Variants in CTU2 observed in about 807,000 individuals in gnomAD.
The protein encoded by CTU2 is cytosolic thiouridylase subunit 2.
A neutral mutation model predicts 64.1 loss-of-function variants in CTU2; 80 were observed. That is an observed-to-expected ratio of 1.25 (90% confidence interval 1.04 to 1.50). The LOEUF is 1.50. CTU2 is among the 40% of genes most tolerant of loss of function. The pLI is 0.00. For synonymous variants in CTU2, 482 were observed against 285.3 expected, an observed-to-expected ratio of 1.69 and a Z score of -6.95; for missense variants, 1,110 against 690.2, an observed-to-expected ratio of 1.61 and a Z score of -6.81.
At position 88,714,407 on chromosome 16, in the gene CTU2, C is replaced by T. The variant is rs573239956; in HGVS notation, c.1122C>T (p.Gly374=). ...VYRTSEKLVK[G]PRDGPAAGDS... is the part of the protein sequence containing the mutation. Reference sequence around the variant, plus strand: ...GGACAAGTGAGAAGCTGGTGAAGGGCCCCCGGGATGGCCCTGCTGCTGGCG... The same window carrying T: ...GGACAAGTGAGAAGCTGGTGAAGGGTCCCCGGGATGGCCCTGCTGCTGGCG... The change falls in exon 11 of 15, where the codon GGC becomes GGT. Residue 374 remains glycine (G), a synonymous_variant. Coordinates refer to ENST00000453996, the MANE Select transcript of CTU2 (RefSeq NM_001012759.3). The T allele has an allele frequency of 1.9e-6, 3 of 1,612,316 alleles. No individual in the cohort carries two copies. The highest frequency in any genetic ancestry group is 2.5e-6 in the Non-Finnish European group (3 of 1,179,808).
intron 3 of CTU2, 96 bp from the exon 4 acceptor site, chr16:88,710,127 C>G (rs990482201): frequency 2.5e-6 from 4 of 1,583,348 alleles, no homozygotes; most frequent in Admixed American, 1.7e-5. Context: ...CCTCCTTGGC[C>G]TTTGAGGACA....
At chr16:88,710,392 C>A in intron 4 of CTU2, 110 bp downstream of exon 4, 1 of 1,143,490 alleles carries the variant, frequency 8.7e-7, no homozygotes, top group Non-Finnish European at 1.3e-6. Flanking sequence ...GAGCAGTCCA[C>A]CCTGCGGCCT....
chr16:88,707,060 T>G, intron 1 of CTU2, 76 bp from the exon 2 acceptor site: 1 of 1,440,934 alleles, frequency 6.9e-7, no homozygotes, highest in Non-Finnish European at 9.8e-7. Flanking sequence ...AAACAGGAGC[T>G]GTCTCCCCAA....
chr16:88,715,153 G>A (rs1276174613), intron 14 of CTU2, 29 bp from the exon 15 acceptor site: 5 of 1,610,360 alleles, frequency 3.1e-6, no homozygotes, highest in South Asian at 2.2e-5. Context: ...GGGCCTCGGG[G>A]CTGGTGCCCA....
At position 88,713,383 on chromosome 16, in the gene CTU2, G is replaced by A. The variant is rs780186030; in HGVS notation, c.809G>A (p.Arg270His). The change falls in exon 8 of 15, where the codon CGC (arginine) becomes CAC (histidine). Residue 270 changes from arginine to histidine, a missense_variant. By Grantham distance (29) the Arg-to-His change is conservative. Coordinates refer to ENST00000453996, the MANE Select transcript of CTU2 (RefSeq NM_001012759.3). ...GTCATGACTGGGGACAGCTGCACAC[G>A]CTTGGCTATCAAGCTCATGACCAAC... The part of the protein sequence containing the change: ...SKVMTGDSCT[R>H]LAIKLMTNLA... 5.6e-6 allele frequency: 9 copies of A among 1,603,638 alleles called. No homozygotes were observed. The highest frequency in any genetic ancestry group is 4.6e-5 in the East Asian group (2 of 43,952).
intron 2 of CTU2, among the ~76,000 whole-genome samples, chr16:88,708,021 C>T (rs1236817535): frequency 7.2e-5 from 11 of 152,140 alleles, no homozygotes; most frequent in Non-Finnish European, 1.5e-4. Context: ...ACCATGTTGG[C>T]CAGGCTGGTT....
intron 13 of CTU2, 49 bp downstream of exon 13, chr16:88,714,975 G>T (rs767876863): frequency 1.9e-6 from 3 of 1,588,178 alleles, no homozygotes; most frequent in Non-Finnish European, 2.6e-6. Context: ...ACGCGGGAAG[G>T]CCGTCACCTC....
chr16:88,714,579 G>C lies in CTU2; in HGVS notation c.1202-8G>C, dbSNP rs376937218. The C allele has an allele frequency of 6.2e-7, 1 of 1,612,496 alleles. No homozygotes were observed. Among genetic ancestry groups the C allele is most frequent in the South Asian group, 1.1e-5 (1 of 91,092 alleles). On this transcript the variant is annotated splice_region_variant and splice_polypyrimidine_tract_variant and intron_variant, in intron 11 of 14. Coordinates refer to ENST00000453996, the MANE Select transcript of CTU2 (RefSeq NM_001012759.3). ...CCCCAGGCTCCGTCACCCCCTCTCT[G>C]CTTGCAGACAGTGCCACGGCTTTTG...
At chr16:88,713,949 G>T (rs897505660) in intron 9 of CTU2, among the ~76,000 whole-genome samples, 171 bp downstream of exon 9, 6 of 152,236 alleles carry the variant, frequency 3.9e-5, no homozygotes, top group Non-Finnish European at 7.3e-5. Flanking sequence ...GGGTGTGGGG[G>T]TGACAGGAGG....
At position 88,712,413 on chromosome 16, in the gene CTU2, C is replaced by T. The variant is rs764024850; in HGVS notation, c.453+30C>T. 1.3e-4 allele frequency: 205 copies of T among 1,549,318 alleles called. 1 individual carries two copies. Among genetic ancestry groups the T allele is most frequent in the South Asian group, 2.6e-4 (22 of 84,644 alleles). ...GAGGGCTGTCCCTGGAAAGGGGTCCCGGAGGTGACCCCTGGGGGGCACCTG... is the reference window on the plus strand; with the variant it reads ...GAGGGCTGTCCCTGGAAAGGGGTCCTGGAGGTGACCCCTGGGGGGCACCTG... On this transcript the variant is annotated intron_variant, in intron 6 of 14. Coordinates refer to ENST00000453996, the MANE Select transcript of CTU2 (RefSeq NM_001012759.3).
At position 88,710,216 on chromosome 16, in the gene CTU2, C is replaced by G. The variant is rs114994631; in HGVS notation, c.223-7C>G. 4.3e-6 allele frequency: 7 copies of G among 1,613,860 alleles called. No individual in the cohort carries two copies. In the South Asian group the frequency reaches 7.7e-5, roughly 18 times the overall value. ...CGGTGCCCTGAGTGATGTTTTTTCT[C>G]CCCCAGGTGCTCTTGGCGTGGTCTG... On this transcript the variant is annotated splice_polypyrimidine_tract_variant and splice_region_variant and intron_variant, in intron 3 of 14. Transcript: ENST00000453996.
At position 88,707,155 on chromosome 16, in the gene CTU2, A is replaced by C; in HGVS notation, c.88A>C (p.Lys30Gln). The change falls in exon 2 of 15, where the codon AAG becomes CAG. Residue 30 changes from lysine (K) to glutamine (Q), a missense_variant. By Grantham distance (53) the Lys-to-Gln change is moderately conservative (BLOSUM62 1). Coordinates refer to ENST00000453996, the MANE Select transcript of CTU2 (RefSeq NM_001012759.3). ...PRPSREQKCV[K>Q]CKEAQPVVVI... Reference sequence around the variant, plus strand: ...CCAAAGCCGTGAGCAGAAGTGTGTGAAGTGCAAGGAAGCGCAGCCCGTTGT... The same window carrying C: ...CCAAAGCCGTGAGCAGAAGTGTGTGCAGTGCAAGGAAGCGCAGCCCGTTGT... The C allele has an allele frequency of 6.2e-7, 1 of 1,613,938 alleles. No homozygotes were observed.
rs866398047 is a variant in CTU2, at chr16:88,715,037, C to T, written c.1420-11C>T. ...GGTTTCTTGGCCCCTCGACACCGGC[C>T]TCTGTTGCAGCCCTCACTGGACCCC... On this transcript the variant is annotated splice_polypyrimidine_tract_variant and intron_variant, in intron 13 of 14. Transcript: ENST00000453996. The T allele has an allele frequency of 1.3e-5, 20 of 1,577,238 alleles. No homozygotes were observed. Among genetic ancestry groups the T allele is most frequent in the Middle Eastern group, 1.7e-4 (1 of 5,936 alleles).
chr16:88,715,376 T>TAAAAA lies in CTU2; in HGVS notation c.*131_*135dup, dbSNP rs113700874. The TAAAAA allele has an allele frequency of 5.5e-6, 6 of 1,087,688 alleles. No homozygotes were observed. In the Admixed American group the frequency reaches 8.8e-5, roughly 16 times the overall value. The allele number at this position is 1,087,688 out of a possible 1,614,324, so 67.4% of individuals were successfully genotyped here. ...TTGTATAAATAAAACATTTTTTAAT[T>TAAAAA]AAAAAAAAAACTCTACAGTACACGT... On this transcript the variant is annotated 3_prime_UTR_variant, in exon 15 of 15. Transcript: ENST00000453996.
chr16:88,710,634 C>T (rs1056505791), intron 4 of CTU2: 2 of 275,990 alleles, frequency 7.2e-6, no homozygotes, highest in African/African-American at 2.2e-5. Context: ...GATGTGTTTA[C>T]AGCAGGTGCA....
At chr16:88,709,744 T>C in intron 2 of CTU2, 194 bp from the exon 3 acceptor site, 2 of 601,942 alleles carry the variant, frequency 3.3e-6, no homozygotes, top group Non-Finnish European at 3.0e-6. Context: ...GTGAGCCTCG[T>C]GTTCACCCTG....
intron 8 of CTU2, 81 bp downstream of exon 8, chr16:88,713,528 C>G: frequency 6.7e-7 from 1 of 1,487,156 alleles, no homozygotes. Flanking sequence ...TAGCCTCTCG[C>G]GTATCAGTCC....
At chr16:88,710,506 G>A (rs1911232269) in intron 4 of CTU2, 2 of 562,198 alleles carry the variant, frequency 3.6e-6, no homozygotes, top group Middle Eastern at 4.6e-4. Context: ...TTTACAGCAG[G>A]TGCACAAATC....
chr16:88,714,721 C>A lies in CTU2; in HGVS notation c.1336C>A (p.Gln446Lys). 6.2e-7 allele frequency: 1 copy of A among 1,608,092 alleles called. No homozygotes were observed. The highest frequency in any genetic ancestry group is 8.5e-7 in the Non-Finnish European group (1 of 1,177,336). ...PGVGWAQRCG[Q>K]GACRREDPQA... ...GGTGGGCTGGGCCCAGCGCTGTGGC[C>A]AGGGGGCCTGCAGGAGGTGAGTCCC... Residue 446 changes from glutamine (Q) to lysine (K), a missense_variant, in exon 12 of 15, where the codon CAG becomes AAG. Transcript: ENST00000453996.
Sources: allele counts gnomAD v4.1 joint callset (sites outside exome capture counted in the v4.1 genomes callset), GRCh38; gene constraint gnomAD v4.1.1; transcripts MANE v1.5; gene names NCBI Gene and HGNC (gene_info 2026-07-23, HGNC 2026-07-21).